PCDH11X: variants seen among roughly 807,000 people sequenced by gnomAD.
PCDH11X encodes the protein protocadherin 11 X-linked.
A neutral mutation model predicts 53.3 loss-of-function variants in PCDH11X; 18 were observed. The ratio of observed to expected loss-of-function variants is 0.34; its 90% CI spans 0.23 to 0.50. The LOEUF is 0.50. Ranked by LOEUF, PCDH11X falls within the 20% of genes least tolerant of loss-of-function variation. The pLI is 0.98. For synonymous variants in PCDH11X, 279 were observed against 393.3 expected (o/e 0.71, Z 3.44); for missense variants, 570 against 1,032.4 (o/e 0.55, Z 6.14).
chrX:92,011,139 G>T (rs1026809764), intron 6 of PCDH11X, among the ~76,000 whole-genome samples: 11 of 111,818 alleles, frequency 9.8e-5, no homozygotes, highest in African/African-American at 3.6e-4. Context: ...TGGGTATCTA[G>T]GTTGATTCCA....
intron 6 of PCDH11X, among the ~76,000 whole-genome samples, chrX:92,198,408 C>G (rs1217196695): frequency 3.8e-4 from 1 of 2,659 alleles, no homozygotes; most frequent in Non-Finnish European, 5.0e-3. Flanking sequence ...GAGATCCTGT[C>G]TCAAAAAAAA....
At chrX:92,411,934 AGG>A (rs751195161) in intron 9 of PCDH11X, among the ~76,000 whole-genome samples, 1 of 25,727 alleles carries the variant, frequency 3.9e-5, no homozygotes, top group African/African-American at 1.2e-4. Flanking sequence ...TGGGAGGAGG[AGG>A]GGGGAGGAGG....
intron 7 of PCDH11X, 47 bp from the exon 8 acceptor site, chrX:92,263,067 G>T (rs1212076833): frequency 1.8e-6 from 2 of 1,129,970 alleles, no homozygotes; most frequent in East Asian, 3.2e-5. Flanking sequence ...TTTTGTTTTT[G>T]TTTTATTTTC....
At chrX:92,575,063 G>GC (rs1277583539) in intron 10 of PCDH11X, among the ~76,000 whole-genome samples, 1 of 110,570 alleles carries the variant, frequency 9.0e-6, no homozygotes, top group Non-Finnish European at 1.9e-5. Flanking sequence ...AAACAAGTAT[G>GC]CCGTTTTTCA....
chrX:91,863,362 C>G (rs1938793157), intron 5 of PCDH11X, among the ~76,000 whole-genome samples: 2 of 111,538 alleles, frequency 1.8e-5, no homozygotes, highest in Admixed American at 9.5e-5. Context: ...CTGACTTTCT[C>G]TCTTCTTAAT....
intron 10 of PCDH11X, among the ~76,000 whole-genome samples, chrX:92,507,214 A>G (rs1445548231): frequency 9.1e-6 from 1 of 110,067 alleles, no homozygotes; most frequent in African/African-American, 3.3e-5. Context: ...ATGTGTCTCA[A>G]ATTCATTCAG....
chrX:91,997,830 C>T (rs1402952948), intron 6 of PCDH11X, among the ~76,000 whole-genome samples: 2 of 110,713 alleles, frequency 1.8e-5, no homozygotes, highest in Admixed American at 1.9e-4. Context: ...TAGAATTCAC[C>T]AATAAAGCCA....
intron 6 of PCDH11X, among the ~76,000 whole-genome samples, chrX:91,917,552 C>CT (rs1181597011): frequency 3.9e-4 from 8 of 20,428 alleles, no homozygotes; most frequent in Middle Eastern, 0.045. Flanking sequence ...AGAACTCAAT[C>CT]TTTTTTACAG....
intron 10 of PCDH11X, among the ~76,000 whole-genome samples, chrX:92,554,034 A>G (rs1484178934): frequency 9.2e-6 from 1 of 109,156 alleles, no homozygotes. Context: ...TTAATCAACC[A>G]AGAAAAAATT....
chrX:92,584,957 C>A (rs1327814560), intron 10 of PCDH11X, among the ~76,000 whole-genome samples: 1 of 109,079 alleles, frequency 9.2e-6, no homozygotes, highest in Admixed American at 9.8e-5. Context: ...TCATGCCCAG[C>A]TAATTTGTAT....
At chrX:92,380,529 G>A (rs919594890) in intron 8 of PCDH11X, among the ~76,000 whole-genome samples, 5 of 112,169 alleles carry the variant, frequency 4.5e-5, no homozygotes, top group Admixed American at 3.8e-4. Flanking sequence ...TGATTTCTAC[G>A]TAGCTGATGT....
At chrX:92,218,543 T>C (rs1349190640) in intron 7 of PCDH11X, among the ~76,000 whole-genome samples, 1 of 107,944 alleles carries the variant, frequency 9.3e-6, no homozygotes, top group Non-Finnish European at 1.9e-5. Context: ...TCTGAAATTG[T>C]GGCAATAATC....
rs2071653954 is a variant in PCDH11X, at chrX:92,411,759, A to G, written c.3343+23826A>G. Among the ~76,000 whole-genome samples, 3 of 106,442 alleles carry G rather than the reference A, an allele frequency of 2.8e-5. 1 individual carries two copies. The South Asian group carries it at 1.3e-3, about 46-fold the overall frequency. The allele number at this position is 106,442 out of a possible 115,157, so 92.4% of individuals were successfully genotyped here. A position where few individuals can be genotyped will look rare whatever the true frequency, so the allele number is the denominator to read the frequency against. On this transcript the variant is annotated intron_variant, in intron 9 of 10. Transcript: ENST00000682573. ...TTTTTTAAAGGGCAGGTAAGAGTTA[A>G]CAGGAAATGGAGATTGAACATGCTG... is the stretch of plus-strand genomic sequence containing the variant.
chrX:92,045,737 C>T (rs1450417387), intron 6 of PCDH11X, among the ~76,000 whole-genome samples: 2 of 106,619 alleles, frequency 1.9e-5, no homozygotes, highest in Non-Finnish European at 3.9e-5. Flanking sequence ...GTCAGGAGAT[C>T]GAGACCAGCC....
At chrX:91,890,280 G>A (rs1940414841) in intron 6 of PCDH11X, among the ~76,000 whole-genome samples, 1 of 111,307 alleles carries the variant, frequency 9.0e-6, no homozygotes, top group African/African-American at 3.3e-5. Context: ...AAAAGATTTT[G>A]CATCTACATT....
chrX:92,324,220 T>C (rs2069276580), intron 8 of PCDH11X, among the ~76,000 whole-genome samples: 1 of 109,727 alleles, frequency 9.1e-6, no homozygotes, highest in African/African-American at 3.3e-5. Context: ...TATGCTCAAG[T>C]AATTGATGTT....
At chrX:91,837,070 G>A (rs1455831656) in intron 5 of PCDH11X, among the ~76,000 whole-genome samples, 3 of 106,243 alleles carry the variant, frequency 2.8e-5, no homozygotes, top group Non-Finnish European at 5.8e-5. Context: ...AATAACTAGT[G>A]TTAAAAATAT....
intron 6 of PCDH11X, among the ~76,000 whole-genome samples, chrX:92,140,374 G>A (rs1452058425): frequency 9.0e-6 from 1 of 111,458 alleles, no homozygotes; most frequent in Non-Finnish European, 1.9e-5. Flanking sequence ...ACTAGGCTAT[G>A]TTATAGAATA....
chrX:92,130,213 T>A (rs1250050554), intron 6 of PCDH11X, among the ~76,000 whole-genome samples: 1 of 111,514 alleles, frequency 9.0e-6, no homozygotes. Context: ...CTGTTATTAT[T>A]GTAAAGCATT....
Sources: gnomAD v4.1 joint callset for allele counts (sites outside exome capture counted in the v4.1 genomes callset) on GRCh38, gnomAD v4.1.1 for gene constraint, MANE v1.5 for transcripts, NCBI Gene and HGNC (gene_info 2026-07-23, HGNC 2026-07-21) for gene names.